KIF26B: variants seen among roughly 807,000 people sequenced by gnomAD.
The protein encoded by KIF26B is kinesin family member 26B, also known as kinesin-like protein KIF26B.
A neutral mutation model predicts 151.2 loss-of-function variants in KIF26B; 63 were observed. The observed-to-expected ratio is 0.42, with a 90% CI of 0.34 to 0.51. The LOEUF is 0.51. Ranked by LOEUF, KIF26B falls within the 20% of genes least tolerant of loss-of-function variation. KIF26B has a pLI of 0.07. For missense variants in KIF26B, 2,813 were observed against 2,913.6 expected (o/e 0.97, Z 0.79); for synonymous variants, 1,357 against 1,262.1 (o/e 1.08, Z -1.59).
intron 2 of KIF26B, among the ~76,000 whole-genome samples, chr1:245,364,422 CTTTTTTTTTTT>C (rs763619030): frequency 1.0e-5 from 1 of 98,920 alleles, no homozygotes; most frequent in Non-Finnish European, 1.9e-5. Context: ...CTCTCTCTCT[CTTTTTTTTTTT>C]TTTTTTTTTT....
Position 245,416,280 on chromosome 1 carries a change from C to CAAAAAA in KIF26B, c.1000-3285_1000-3280dup, listed in dbSNP as rs34744401. ...GGGCAACAAGAGCGAAACTCTGTCT[C>CAAAAAA]AAAAAAAAAAAAAAAAAAAGAATCA... On this transcript the variant is annotated intron_variant, in intron 3 of 14. Transcript: ENST00000407071. Among the ~76,000 whole-genome samples, 224 of 51,376 alleles carry CAAAAAA rather than the reference C, an allele frequency of 4.4e-3. 2 individuals carry two copies. The highest frequency in any genetic ancestry group is 0.014 in the African/African-American group (213 of 15,042). 33.7% of individuals were successfully genotyped at this position (51,376 alleles called of 152,430 possible).
chr1:245,537,084 G>T (rs2103100333), intron 4 of KIF26B, among the ~76,000 whole-genome samples: 1 of 152,328 alleles, frequency 6.6e-6, no homozygotes, highest in African/African-American at 2.4e-5. Flanking sequence ...ACACATGGAT[G>T]CAGCCATCTT....
rs182797638 is a variant in KIF26B at position 245,178,779 on chromosome 1, A to G, written c.465+22096A>G. Among the ~76,000 whole-genome samples the G allele has an allele frequency of 2.9e-3, 439 of 152,218 alleles. 3 individuals are homozygous for G. The highest frequency in any genetic ancestry group is 6.8e-3 in the Middle Eastern group (2 of 294). On this transcript the variant is annotated intron_variant, in intron 2 of 14. Coordinates refer to ENST00000407071, the MANE Select transcript of KIF26B (RefSeq NM_018012.4). ...CCTGGTGTCACCTTAGGTTTTGGGG[A>G]TAAAGGCTGGTGGTACCGCCTGTGA...
chr1:245,489,716 T>A (rs1203965441), intron 4 of KIF26B, among the ~76,000 whole-genome samples: 1 of 152,200 alleles, frequency 6.6e-6, no homozygotes, highest in Non-Finnish European at 1.5e-5. Context: ...GTAGAAGGCG[T>A]CATGGTATCA....
rs10924223 is a variant in KIF26B at position 245,516,026 on chromosome 1, C to T, written c.1167-24741C>T. The stretch of plus-strand genomic sequence containing the variant: ...GGACGATAGCCTCATACTTGGGTTT[C>T]TGTTGTATCTCATGAGTCCTCTCCC... On this transcript the variant is annotated intron_variant, in intron 4 of 14. Transcript: ENST00000407071. This position sits in a 1 kb window ranked among gnomAD's most constrained non-coding sequence, Gnocchi z 4.2. 0.25 allele frequency among the ~76,000 whole-genome samples: 37,309 copies of T among 151,930 alleles called. 5,612 individuals carry two copies. Among genetic ancestry groups the T allele is most frequent in the East Asian group, 0.49 (2,533 of 5,140 alleles).
At position 245,366,987 on chromosome 1, in the gene KIF26B, C is replaced by T; in HGVS notation, c.619C>T (p.Gln207Ter). 1 of 1,613,936 alleles carries T rather than the reference C, an allele frequency of 6.2e-7. No homozygotes were observed. Among genetic ancestry groups the T allele is most frequent in the Non-Finnish European group, 8.5e-7 (1 of 1,179,880 alleles). Residue 207 changes from glutamine (Q) to a stop codon, truncating the protein, a stop_gained, in exon 3 of 15, where the codon CAG becomes TAG. Coordinates refer to ENST00000407071, the MANE Select transcript of KIF26B (RefSeq NM_018012.4). LOFTEE classifies it high-confidence loss of function. ...EAIQMVLTLEQAAGSEHYDAS... is the reference protein window; with the variant it reads ...EAIQMVLTLE Reference sequence around the variant, plus strand: ...CATCCAGATGGTGCTGACGTTGGAGCAGGCAGCCGGCAGTGAGCACTACGA... The same window carrying T: ...CATCCAGATGGTGCTGACGTTGGAGTAGGCAGCCGGCAGTGAGCACTACGA...
intron 4 of KIF26B, among the ~76,000 whole-genome samples, chr1:245,506,063 A>G (rs1216957749): frequency 6.6e-6 from 1 of 152,204 alleles, no homozygotes; most frequent in East Asian, 1.9e-4. Context: ...ATATTTTTAC[A>G]TCAAGTATTT....
chr1:245,493,054 C>G (rs1428834262), intron 4 of KIF26B, among the ~76,000 whole-genome samples: 4 of 152,152 alleles, frequency 2.6e-5, no homozygotes, highest in Non-Finnish European at 4.4e-5. Flanking sequence ...GCTGGGATTA[C>G]AGGTGTGAAC....
chr1:245,305,784 A>G (rs987700724), intron 2 of KIF26B, among the ~76,000 whole-genome samples: 10 of 151,920 alleles, frequency 6.6e-5, no homozygotes, highest in African/African-American at 2.2e-4. Context: ...TAAAAATACA[A>G]AAAATTAGCC....
chr1:245,382,969 T>C (rs1206740104), intron 3 of KIF26B, among the ~76,000 whole-genome samples: 1 of 149,062 alleles, frequency 6.7e-6, no homozygotes, highest in Non-Finnish European at 1.5e-5. Context: ...CATGTATTTA[T>C]ATATAAATTA....
intron 2 of KIF26B, among the ~76,000 whole-genome samples, chr1:245,185,359 G>A (rs1241056913): frequency 2.0e-5 from 3 of 152,008 alleles, no homozygotes; most frequent in African/African-American, 4.8e-5. Context: ...GGCTGGTCTC[G>A]AACTCCTGAC....
chr1:245,172,361 G>A (rs746381106), intron 2 of KIF26B, among the ~76,000 whole-genome samples: 3 of 152,166 alleles, frequency 2.0e-5, no homozygotes, highest in South Asian at 2.1e-4. Context: ...GGAGGGAGTC[G>A]GAAGGGGTAG....
At chr1:245,255,290 G>A (rs1051515360) in intron 2 of KIF26B, among the ~76,000 whole-genome samples, 6 of 152,114 alleles carry the variant, frequency 3.9e-5, no homozygotes, top group Admixed American at 3.3e-4. Flanking sequence ...TTATAGCAGC[G>A]CAACATGGGC....
intron 12 of KIF26B, among the ~76,000 whole-genome samples, chr1:245,691,876 G>A (rs2044630220): frequency 6.6e-6 from 1 of 152,180 alleles, no homozygotes; most frequent in Admixed American, 6.5e-5. Flanking sequence ...TGAGGAGTGT[G>A]CAGCATTGGG....
At position 245,431,525 on chromosome 1, in the gene KIF26B, T is replaced by C. The variant is rs533029868; in HGVS notation, c.1166+11780T>C. Among the ~76,000 whole-genome samples the C allele has an allele frequency of 2.6e-5, 4 of 152,252 alleles. No homozygotes were observed. The East Asian group carries it at 7.7e-4, about 29-fold the overall frequency. ...ATGCCCAGCTCATTTTTTCTATTTT[T>C]AGTAGAGACAGGGTTTCACTATGTT... On this transcript the variant is annotated intron_variant, in intron 4 of 14. Coordinates refer to ENST00000407071, the MANE Select transcript of KIF26B (RefSeq NM_018012.4).
chr1:245,359,164 A>G (rs1672762333), intron 2 of KIF26B, among the ~76,000 whole-genome samples: 1 of 151,964 alleles, frequency 6.6e-6, no homozygotes, highest in African/African-American at 2.4e-5. Flanking sequence ...GATTACAGGC[A>G]CGCACCACCA....
intron 9 of KIF26B, among the ~76,000 whole-genome samples, chr1:245,622,565 G>A (rs965210297): frequency 7.2e-5 from 11 of 152,140 alleles, no homozygotes; most frequent in African/African-American, 2.7e-4. Context: ...GGTCCCACAC[G>A]CTCTGCTCGC....
intron 3 of KIF26B, among the ~76,000 whole-genome samples, chr1:245,416,280 CAA>C (rs34744401): frequency 4.5e-4 from 23 of 51,436 alleles, no homozygotes; most frequent in African/African-American, 1.4e-3. Flanking sequence ...AACTCTGTCT[CAA>C]AAAAAAAAAA....
chr1:245,419,490 C>T lies in KIF26B; in HGVS notation c.1000-89C>T, dbSNP rs1111814. ...GGGATAGAAACCTGTTCCCTCTTGC[C>T]TCCCTCCCCCAAATAGAGAGATGCT... On this transcript the variant is annotated intron_variant, in intron 3 of 14. Coordinates refer to ENST00000407071, the MANE Select transcript of KIF26B (RefSeq NM_018012.4). The T allele has an allele frequency of 4.0e-3, 5,065 of 1,280,868 alleles. 157 individuals carry two copies. In the African/African-American group the frequency reaches 0.066, roughly 17 times the overall value. The allele number at this position is 1,280,868 out of a possible 1,614,324, so 79.3% of individuals were successfully genotyped here.
Sources: gnomAD v4.1 joint callset for allele counts (sites outside exome capture counted in the v4.1 genomes callset) on GRCh38, gnomAD v4.1.1 for gene constraint, Gnocchi (gnomAD v3.1) non-coding constraint, MANE v1.5 for transcripts, NCBI Gene and HGNC (gene_info 2026-07-23, HGNC 2026-07-21) for gene names.